The following TTC6 variants were observed in gnomAD, a reference collection of about 807,000 sequenced individuals.
The protein encoded by TTC6 is tetratricopeptide repeat protein 6.
Under a neutral mutation model 210.4 loss-of-function variants are expected in TTC6, and 172 were observed. The ratio of observed to expected loss-of-function variants is 0.82; its 90% CI spans 0.72 to 0.93. The LOEUF (loss-of-function observed/expected upper bound fraction) is 0.93, where lower values mean the gene tolerates loss of function less well. Ranked by LOEUF, TTC6 falls within the 40% of genes least tolerant of loss-of-function variation. The pLI is 0.00. For missense variants in TTC6, 2,414 were observed against 2,318.1 expected, an observed-to-expected ratio of 1.04 and a Z score of -0.85; for synonymous variants, 804 against 819.6, an observed-to-expected ratio of 0.98 and a Z score of 0.32.
At chr14:37,663,389 C>T (rs1361750836) in intron 1 of TTC6, among the ~76,000 whole-genome samples, 1 of 152,098 alleles carries the variant, frequency 6.6e-6, no homozygotes, top group Non-Finnish European at 1.5e-5. Flanking sequence ...ACTGTGGAAA[C>T]TCAAATGATG....
exon 1 of TTC6, chr14:37,622,392 G>C: frequency 6.5e-7 from 1 of 1,533,724 alleles, no homozygotes; most frequent in Non-Finnish European, 8.7e-7. Flanking sequence ...GGCGGCTCCA[G>C]GCAAGACCCG....
intron 1 of TTC6, among the ~76,000 whole-genome samples, chr14:37,630,936 T>C: frequency 9.3e-6 from 1 of 108,002 alleles, no homozygotes; most frequent in Non-Finnish European, 2.0e-5. Context: ...TTTTTTTTTT[T>C]TTTTTTTTTT....
intron 7 of TTC6, among the ~76,000 whole-genome samples, chr14:37,727,489 T>C (rs1043126344): frequency 6.6e-6 from 1 of 151,758 alleles, no homozygotes; most frequent in Non-Finnish European, 1.5e-5. Flanking sequence ...GAGATGGGGT[T>C]TCACTGTTTT....
chr14:37,719,327 C>CT (rs922872685), intron 6 of TTC6, among the ~76,000 whole-genome samples: 2,675 of 147,108 alleles, frequency 0.018, 75 homozygotes, highest in African/African-American at 0.063. Flanking sequence ...TCCAGCAAGG[C>CT]TTTTTTTTTT....
intron 5 of TTC6, among the ~76,000 whole-genome samples, chr14:37,706,836 G>T (rs17768503): frequency 6.6e-6 from 1 of 151,610 alleles, no homozygotes; most frequent in Non-Finnish European, 1.5e-5. Flanking sequence ...TTTCATTTTA[G>T]TCTGTCTTAG....
chr14:37,741,890 T>G (rs569195815), intron 10 of TTC6, among the ~76,000 whole-genome samples: 34 of 152,264 alleles, frequency 2.2e-4, no homozygotes, highest in Non-Finnish European at 4.0e-4. Flanking sequence ...CGCAGCTTCA[T>G]TGTTTCTCTA....
intron 16 of TTC6, among the ~76,000 whole-genome samples, chr14:37,791,116 G>T (rs761831987): frequency 6.6e-6 from 1 of 152,102 alleles, no homozygotes; most frequent in African/African-American, 2.4e-5. Context: ...ATACTATTGA[G>T]GATTTTGGAG....
At chr14:37,747,483 A>G (rs1418018492) in intron 10 of TTC6, among the ~76,000 whole-genome samples, 1 of 152,256 alleles carries the variant, frequency 6.6e-6, no homozygotes, top group Non-Finnish European at 1.5e-5. Context: ...AGTGATGACT[A>G]GAAGCTGAAA....
intron 6 of TTC6, among the ~76,000 whole-genome samples, chr14:37,716,338 A>G (rs2095852692): frequency 6.6e-6 from 1 of 152,152 alleles, no homozygotes; most frequent in African/African-American, 2.4e-5. Flanking sequence ...AAAATGACAG[A>G]CTTAAACCCT....
intron 20 of TTC6, among the ~76,000 whole-genome samples, chr14:37,804,378 G>T (rs1056506880): frequency 6.6e-6 from 1 of 152,218 alleles, no homozygotes; most frequent in African/African-American, 2.4e-5. Flanking sequence ...ACTTAAGCTT[G>T]TGTATATAGC....
intron 1 of TTC6, among the ~76,000 whole-genome samples, chr14:37,677,157 G>A (rs557004596): frequency 6.6e-6 from 1 of 152,088 alleles, no homozygotes; most frequent in South Asian, 2.1e-4. Flanking sequence ...GGGGAGTCTT[G>A]CCATCTTAAC....
At chr14:37,793,257 C>T (rs189523046) in intron 17 of TTC6, among the ~76,000 whole-genome samples, 1 of 152,306 alleles carries the variant, frequency 6.6e-6, no homozygotes, top group Admixed American at 6.5e-5. Flanking sequence ...GTCTGCAAGA[C>T]CCCACAGGAG....
intron 3 of TTC6, among the ~76,000 whole-genome samples, chr14:37,693,979 AAAACAAACAAAC>A (rs57428441): frequency 0.058 from 8,690 of 150,478 alleles, 378 homozygotes; most frequent in Non-Finnish European, 0.09. Context: ...AACTACCACA[AAAACAAACAAAC>A]AAACAAACAA....
chr14:37,732,678 G>C (rs2095890463), intron 7 of TTC6, among the ~76,000 whole-genome samples: 1 of 151,568 alleles, frequency 6.6e-6, no homozygotes, highest in African/African-American at 2.4e-5. Flanking sequence ...GAGTGCAGTG[G>C]CACAATCTCG....
At chr14:37,748,853 AGTT>A in intron 10 of TTC6, 83 bp from the exon 13 acceptor site, 4 of 1,032,238 alleles carry the variant, frequency 3.9e-6, no homozygotes, top group Non-Finnish European at 5.4e-6. Flanking sequence ...AACAAATAGT[AGTT>A]TTATGTGTGG....
intron 1 of TTC6, among the ~76,000 whole-genome samples, chr14:37,669,762 T>C (rs2095754878): frequency 6.6e-6 from 1 of 152,190 alleles, no homozygotes; most frequent in African/African-American, 2.4e-5. Flanking sequence ...CATCACCTCA[T>C]ATAATTCCTT....
At chr14:37,801,427 A>C (rs533686579) in intron 20 of TTC6, among the ~76,000 whole-genome samples, 1 of 152,316 alleles carries the variant, frequency 6.6e-6, no homozygotes, top group Non-Finnish European at 1.5e-5. Flanking sequence ...ACACACTCTA[A>C]GATTATTCTT....
intron 3 of TTC6, among the ~76,000 whole-genome samples, chr14:37,688,757 G>C (rs1360201344): frequency 2.6e-5 from 4 of 152,142 alleles, no homozygotes; most frequent in Non-Finnish European, 4.4e-5. Context: ...ACTGGGCTTG[G>C]GGTCCCCCGC....
chr14:37,647,831 G>A (rs370543610), intron 1 of TTC6, among the ~76,000 whole-genome samples: 2 of 152,136 alleles, frequency 1.3e-5, no homozygotes, highest in African/African-American at 4.8e-5. Context: ...AGAGAGAAGT[G>A]GAATTAATGA....
Sources: gnomAD v4.1 joint callset for allele counts (sites outside exome capture counted in the v4.1 genomes callset) on GRCh38, gnomAD v4.1.1 for gene constraint, MANE v1.5 for transcripts, NCBI Gene and HGNC (gene_info 2026-07-23, HGNC 2026-07-21) for gene names.